COL18A1: variants seen among roughly 807,000 people sequenced by gnomAD.
COL18A1 encodes collagen type XVIII alpha 1 chain, also known as collagen alpha-1(XVIII) chain.
In COL18A1, 133 loss-of-function variants were observed where a neutral mutation model predicts 168.0. That is an observed-to-expected ratio of 0.79 (90% CI 0.69 to 0.91). The LOEUF (loss-of-function observed/expected upper bound fraction) is 0.91, where lower values mean the gene tolerates loss of function less well. Ranked by LOEUF, COL18A1 falls within the 40% of genes least tolerant of loss-of-function variation. The pLI, the probability that COL18A1 is intolerant of heterozygous loss-of-function variation, is 0.00. For synonymous variants in COL18A1, 949 were observed against 809.0 expected (o/e 1.17, Z -2.94); for missense variants, 2,126 against 1,925.4 (o/e 1.10, Z -1.95).
chr21:45,438,183 C>T (rs1418509036), intron 2 of COL18A1, among the ~76,000 whole-genome samples: 3 of 129,260 alleles, frequency 2.3e-5, no homozygotes, highest in African/African-American at 3.4e-5. Context: ...CACACTCACA[C>T]TCAGACACAC....
intron 2 of COL18A1, among the ~76,000 whole-genome samples, chr21:45,414,012 C>A (rs937144822): frequency 2.0e-5 from 3 of 152,262 alleles, no homozygotes; most frequent in Non-Finnish European, 4.4e-5. Flanking sequence ...CCTGAACCAT[C>A]TCTGCTCTCT....
At chr21:45,491,743 C>T (rs1482129373) in intron 22 of COL18A1, among the ~76,000 whole-genome samples, 1 of 152,228 alleles carries the variant, frequency 6.6e-6, no homozygotes, top group East Asian at 1.9e-4. Flanking sequence ...GGCCTCTCAG[C>T]TGCACCCTCT....
At chr21:45,456,823 C>G (rs1484415095) in intron 2 of COL18A1, 2 of 1,523,744 alleles carry the variant, frequency 1.3e-6, no homozygotes, top group Non-Finnish European at 1.8e-6. Flanking sequence ...TGCCCGTCGC[C>G]TGTGCCTCGC....
intron 6 of COL18A1, among the ~76,000 whole-genome samples, chr21:45,477,064 G>T (rs2035701003): frequency 6.6e-6 from 1 of 152,028 alleles, no homozygotes; most frequent in African/African-American, 2.4e-5. Context: ...TTAAGTAAAA[G>T]TTAAGAGGGA....
At position 45,473,529 on chromosome 21, in the gene COL18A1, G is replaced by A. The variant is rs1057350283; in HGVS notation, c.652-366G>A. Among the ~76,000 whole-genome samples the A allele has an allele frequency of 2.0e-5, 3 of 152,124 alleles. No homozygotes were observed. The East Asian group carries it at 5.8e-4, about 29-fold the overall frequency. On this transcript the variant is annotated intron_variant, in intron 3 of 41. Coordinates refer to ENST00000651438, the MANE Select transcript of COL18A1 (RefSeq NM_001379500.1). This position sits in a 1 kb window ranked among gnomAD's most constrained non-coding sequence, Gnocchi z 4.0. ...AAGCTCCCGGGACTTGGGGTTGGGGGACTTGACCTGCAGCCCCTCGAATCT... is the reference window on the plus strand; with the variant it reads ...AAGCTCCCGGGACTTGGGGTTGGGGAACTTGACCTGCAGCCCCTCGAATCT...
chr21:45,421,884 T>A (rs1013468997), intron 2 of COL18A1, among the ~76,000 whole-genome samples: 4 of 152,150 alleles, frequency 2.6e-5, no homozygotes, highest in Non-Finnish European at 1.5e-5. Context: ...CTGAGCACTG[T>A]GACTGTGACC....
At chr21:45,465,583 T>G (rs1220266842) in intron 2 of COL18A1, among the ~76,000 whole-genome samples, 1 of 152,186 alleles carries the variant, frequency 6.6e-6, no homozygotes, top group Non-Finnish European at 1.5e-5. Flanking sequence ...TATTTTCTCT[T>G]TTCCCTGGAA....
intron 19 of COL18A1, 96 bp from the exon 20 acceptor site, chr21:45,490,179 A>T: frequency 1.0e-6 from 1 of 1,002,318 alleles, no homozygotes; most frequent in Non-Finnish European, 1.5e-6. Context: ...AGTCCAGGCC[A>T]TCGCCACGTC....
At chr21:45,456,807 G>T in intron 2 of COL18A1, 1 of 1,537,786 alleles carries the variant, frequency 6.5e-7, no homozygotes, top group East Asian at 2.5e-5. Context: ...CTGGGCGGGG[G>T]CCGGCTGCCC....
intron 8 of COL18A1, 145 bp from the exon 9 acceptor site, chr21:45,478,182 C>T: frequency 9.4e-7 from 1 of 1,062,042 alleles, no homozygotes; most frequent in Non-Finnish European, 1.4e-6. Flanking sequence ...TGTGAGGAGG[C>T]TCCTGGCGCG....
chr21:45,511,160 G>A lies in COL18A1; in HGVS notation c.3743G>A (p.Gly1248Asp), dbSNP rs373537140. Residue 1248 changes from glycine (G) to aspartate (D), a missense_variant, in exon 41 of 42, where the codon GGT becomes GAT. Transcript: ENST00000651438. ...SWEALFSGSE[G>D]PLKPGARIFS... is the part of the protein sequence containing the mutation. Reference sequence around the variant, plus strand: ...GAGGCTCTGTTCTCAGGCTCTGAGGGTCCGCTGAAGCCCGGGGCACGCATC... The same window carrying A: ...GAGGCTCTGTTCTCAGGCTCTGAGGATCCGCTGAAGCCCGGGGCACGCATC... 3.8e-5 allele frequency: 61 copies of A among 1,601,184 alleles called. No individual in the cohort carries two copies. The highest frequency in any genetic ancestry group is 4.9e-5 in the Non-Finnish European group (57 of 1,173,918).
At chr21:45,494,201 T>C (rs1211957024) in intron 26 of COL18A1, 2 of 488,102 alleles carry the variant, frequency 4.1e-6, no homozygotes, top group Non-Finnish European at 7.5e-6. Context: ...CAGCTGTGCA[T>C]TGGAGCTGGG....
chr21:45,479,713 G>C (rs2035825424), intron 9 of COL18A1, among the ~76,000 whole-genome samples, 189 bp from the exon 10 acceptor site: 1 of 152,114 alleles, frequency 6.6e-6, no homozygotes, highest in South Asian at 2.1e-4. Context: ...CCCAGGCGTG[G>C]CTGGCGAAAT....
At position 45,497,497 on chromosome 21, in the gene COL18A1, C is replaced by T. The variant is rs893631750; in HGVS notation, c.2621-102C>T. ...TCCCCATGTCCATCTGATGCCCCCC[C>T]ATCCAGGCCCCCAGGCACTAGGGCA... is the stretch of plus-strand genomic sequence containing the variant. On this transcript the variant is annotated intron_variant, in intron 31 of 41. Coordinates refer to ENST00000651438, the MANE Select transcript of COL18A1 (RefSeq NM_001379500.1). The T allele has an allele frequency of 2.8e-6, 4 of 1,442,278 alleles. No individual in the cohort carries two copies. In the Admixed American group the frequency reaches 5.9e-5, roughly 21 times the overall value. 89.3% of individuals were successfully genotyped at this position (1,442,278 alleles called of 1,614,324 possible). A position where few individuals can be genotyped will look rare whatever the true frequency, so the allele number is the denominator to read the frequency against.
At chr21:45,431,288 G>A (rs2145783653) in intron 2 of COL18A1, among the ~76,000 whole-genome samples, 1 of 151,876 alleles carries the variant, frequency 6.6e-6, no homozygotes, top group Admixed American at 6.5e-5. Flanking sequence ...CCTCCACCGA[G>A]CACCTGCTGT....
chr21:45,482,285 C>A, intron 14 of COL18A1: 1 of 657,546 alleles, frequency 1.5e-6, no homozygotes, highest in Admixed American at 2.3e-5. Flanking sequence ...TGAGATCTTA[C>A]TCCAAGCTTC....
chr21:45,419,427 G>A (rs1202633424), intron 2 of COL18A1, among the ~76,000 whole-genome samples: 2 of 152,244 alleles, frequency 1.3e-5, no homozygotes, highest in African/African-American at 2.4e-5. Context: ...TCGCAGGATC[G>A]CCAAGGCCAG....
In COL18A1 at chr21:45,509,575, C is replaced by G. The variant is rs1225349726; in HGVS notation, c.3469C>G (p.His1157Asp). ...RPARPTSPPA[H>D]SHRDFQPVLH... is the part of the protein sequence containing the mutation. ...GGCGCGACCCACAAGCCCACCCGCC[C>G]ACAGCCACCGCGACTTCCAGCCGGT... is the stretch of plus-strand genomic sequence containing the variant. Residue 1157 changes from histidine to aspartate, a missense_variant, in exon 39 of 42, where the codon CAC becomes GAC. Coordinates refer to ENST00000651438, the MANE Select transcript of COL18A1 (RefSeq NM_001379500.1). The G allele has an allele frequency of 1.3e-6, 2 of 1,527,594 alleles. No individual in the cohort carries two copies. 94.6% of individuals were successfully genotyped at this position (1,527,594 alleles called of 1,614,324 possible). A position where few individuals can be genotyped will look rare whatever the true frequency, so the allele number is the denominator to read the frequency against.
chr21:45,495,807 A>G, intron 29 of COL18A1: 1 of 344,548 alleles, frequency 2.9e-6, no homozygotes, highest in Non-Finnish European at 5.7e-6. Context: ...TCATGCATAT[A>G]CGAGCCTGTC....
Sources: allele counts gnomAD v4.1 joint callset (sites outside exome capture counted in the v4.1 genomes callset), GRCh38; gene constraint gnomAD v4.1.1; non-coding constraint Gnocchi (gnomAD v3.1); transcripts MANE v1.5; gene names NCBI Gene and HGNC (gene_info 2026-07-23, HGNC 2026-07-21).